Variants in RTKN2 observed in about 807,000 individuals in gnomAD.
RTKN2 encodes rhotekin 2, also known as rhotekin-2.
RTKN2 carries 69 observed loss-of-function variants against 71.5 expected under a neutral mutation model. The observed-to-expected ratio is 0.96, with a 90% CI of 0.79 to 1.18. RTKN2 has a LOEUF of 1.18. Among genes scored for constraint, RTKN2 ranks in the 50% most tolerant of loss-of-function variants. The pLI, the probability that RTKN2 is intolerant of heterozygous loss-of-function variation, is 0.00. For synonymous variants in RTKN2, 236 were observed against 236.5 expected (o/e 1.00, Z 0.02); for missense variants, 724 against 719.7 (o/e 1.01, Z -0.07).
At chr10:62,203,342 ATTTT>A (rs35304270) in intron 10 of RTKN2, among the ~76,000 whole-genome samples, 1 of 143,520 alleles carries the variant, frequency 7.0e-6, no homozygotes, top group African/African-American at 2.6e-5. Flanking sequence ...GATCTGCTGA[ATTTT>A]TTTTTTTTTT....
In RTKN2 at chr10:62,199,850, GCTTC is replaced by G. The variant is rs748429504; in HGVS notation, c.1194_1197del (p.Trp398CysfsTer8). 6 of 1,607,628 alleles carry G rather than the reference GCTTC, an allele frequency of 3.7e-6. No homozygotes were observed. In the African/African-American group the frequency reaches 8.0e-5, roughly 21 times the overall value. ...ATTTTCATAAGTTCTTCACAACAGT[GCTTC>G]CATTGGCCTAAGACAGACAGAAAAA... is the stretch of plus-strand genomic sequence containing the variant. On this transcript the variant is annotated frameshift_variant, in exon 11 of 12. Transcript: ENST00000373789. LOFTEE classifies it high-confidence loss of function.
At chr10:62,203,876 A>C (rs1841497302) in intron 10 of RTKN2, among the ~76,000 whole-genome samples, 2 of 152,234 alleles carry the variant, frequency 1.3e-5, no homozygotes, top group African/African-American at 4.8e-5. Flanking sequence ...GAGTGTTATG[A>C]GAAATAAATG....
chr10:62,213,088 A>G (rs893497672), intron 9 of RTKN2, among the ~76,000 whole-genome samples: 6 of 152,242 alleles, frequency 3.9e-5, no homozygotes, highest in African/African-American at 1.4e-4. Context: ...TTACAAAAAG[A>G]ATGCCAAAAG....
chr10:62,216,865 A>G (rs1460895944), intron 9 of RTKN2, among the ~76,000 whole-genome samples: 1 of 152,112 alleles, frequency 6.6e-6, no homozygotes, highest in African/African-American at 2.4e-5. Flanking sequence ...GCTAATGTGG[A>G]GTTACATTCT....
chr10:62,196,933 A>G lies in RTKN2; in HGVS notation c.*975T>C. The G allele has an allele frequency of 1.0e-6, 1 of 982,988 alleles. No individual in the cohort carries two copies. The highest frequency in any genetic ancestry group is 1.2e-6 in the Non-Finnish European group (1 of 827,810). The allele number at this position is 982,988 out of a possible 1,614,324, so 60.9% of individuals were successfully genotyped here. A position where few individuals can be genotyped will look rare whatever the true frequency, so the allele number is the denominator to read the frequency against. On this transcript the variant is annotated 3_prime_UTR_variant, in exon 12 of 12. Transcript: ENST00000373789. ...ATTACCTCCTATGGAAATGATTCCA[A>G]TGTCACTGTTGTAAGAATATGACAT... is the stretch of plus-strand genomic sequence containing the variant.
In RTKN2 at chr10:62,217,252, G is replaced by GAA. The variant is rs5785514; in HGVS notation, c.889-5_889-4dup. ...CTAATCAGACCTTCTACCATTTGCT[G>GAA]AAAAAAAAAAAAAAAAAATCAAGAG... is the stretch of plus-strand genomic sequence containing the variant. On this transcript the variant is annotated splice_region_variant and splice_polypyrimidine_tract_variant and intron_variant, in intron 8 of 11. Transcript: ENST00000373789. 6,285 of 1,284,242 alleles carry GAA rather than the reference G, an allele frequency of 4.9e-3. No homozygotes were observed. The highest frequency in any genetic ancestry group is 0.016 in the South Asian group (963 of 60,136). The allele number at this position is 1,284,242 out of a possible 1,614,324, so 79.6% of individuals were successfully genotyped here.
At position 62,228,811 on chromosome 10, in the gene RTKN2, C is replaced by A. The variant is rs28523585; in HGVS notation, c.687-5479G>T. Among the ~76,000 whole-genome samples the A allele has an allele frequency of 5.7e-3, 868 of 152,166 alleles. 7 individuals carry two copies. The highest frequency in any genetic ancestry group is 0.01 in the Non-Finnish European group (698 of 68,012). ...ACTGAGGCAGATGTGGGTAGGCTGG[C>A]AGATTTGGTGGATGGAGGATATTTT... On this transcript the variant is annotated intron_variant, in intron 6 of 11. Transcript: ENST00000373789.
At chr10:62,227,339 A>G (rs1007559563) in intron 6 of RTKN2, among the ~76,000 whole-genome samples, 6 of 152,196 alleles carry the variant, frequency 3.9e-5, no homozygotes, top group Admixed American at 1.3e-4. Flanking sequence ...AAAGGAGAAG[A>G]AGGCCTATCT....
intron 1 of RTKN2, 145 bp downstream of exon 1, chr10:62,268,406 C>G (rs527919803): frequency 1.2e-6 from 1 of 815,894 alleles, no homozygotes; most frequent in African/African-American, 1.7e-5. Context: ...AGAGCGCAGT[C>G]TCCTAATCCC....
chr10:62,210,631 A>G (rs182396764), intron 9 of RTKN2, among the ~76,000 whole-genome samples: 94 of 152,292 alleles, frequency 6.2e-4, no homozygotes, highest in African/African-American at 2.1e-3. Context: ...TGCTAAAAAC[A>G]AGCTTTAGAC....
At chr10:62,186,992 AT>A (rs1157822753) in intron 8 of RTKN2, among the ~76,000 whole-genome samples, 1 of 152,224 alleles carries the variant, frequency 6.6e-6, no homozygotes, top group Non-Finnish European at 1.5e-5. Context: ...CTTGTGGTTC[AT>A]TTAGTCCAAA....
chr10:62,212,370 A>AAAATAAAT (rs1010292658), intron 9 of RTKN2, among the ~76,000 whole-genome samples: 2 of 151,362 alleles, frequency 1.3e-5, no homozygotes, highest in Non-Finnish European at 2.9e-5. Flanking sequence ...CTCTGTCTCA[A>AAAATAAAT]AAATAAATAA....
chr10:62,259,517 G>A (rs911772799), intron 2 of RTKN2, among the ~76,000 whole-genome samples: 14 of 151,990 alleles, frequency 9.2e-5, no homozygotes, highest in African/African-American at 3.4e-4. Flanking sequence ...CCCTGCTCCT[G>A]AATAATTCAT....
chr10:62,262,782 T>A lies in RTKN2; in HGVS notation c.100A>T (p.Met34Leu). ...AGGAGTTTCCATATTCCTTCTCGCA[T>A]TCGAATTTCTAAGTCTATTTTTTCT... ...IQEKIDLEIR[M>L]REGIWKLLSL... Residue 34 changes from methionine to leucine, a missense_variant, in exon 2 of 12, where the codon ATG becomes TTG. Met to Leu is a conservative substitution (Grantham distance 15). Coordinates refer to ENST00000373789, the MANE Select transcript of RTKN2 (RefSeq NM_145307.4). 1 of 1,610,828 alleles carries A rather than the reference T, an allele frequency of 6.2e-7. No homozygotes were observed. The highest frequency in any genetic ancestry group is 8.5e-7 in the Non-Finnish European group (1 of 1,178,824).
chr10:62,238,873 ATAT>A (rs1439897971), intron 5 of RTKN2: 1 of 152,054 alleles, frequency 6.6e-6, no homozygotes, highest in Non-Finnish European at 1.5e-5. Context: ...ATGGATTTTT[ATAT>A]TAATAGTTAG....
intron 6 of RTKN2, among the ~76,000 whole-genome samples, chr10:62,224,476 G>A (rs372423570): frequency 1.3e-5 from 2 of 151,878 alleles, no homozygotes; most frequent in Non-Finnish European, 2.9e-5. Context: ...AAGGGTCCCC[G>A]TTCATTTAAT....
chr10:62,185,369 G>C (rs1841117415), intron 8 of RTKN2, among the ~76,000 whole-genome samples: 1 of 152,128 alleles, frequency 6.6e-6, no homozygotes, highest in Non-Finnish European at 1.5e-5. Context: ...TGTAATCCCA[G>C]TGCTTTGGGT....
At chr10:62,191,229 A>G (rs1439832459), downstream of RTKN2, among the ~76,000 whole-genome samples, 2 of 152,140 alleles carry the variant, frequency 1.3e-5, no homozygotes, top group African/African-American at 4.8e-5. Flanking sequence ...CTCTCGGCTC[A>G]AGTTACAAGT....
chr10:62,204,461 G>T (rs1271685248), intron 10 of RTKN2, among the ~76,000 whole-genome samples: 1 of 152,156 alleles, frequency 6.6e-6, no homozygotes, highest in African/African-American at 2.4e-5. Flanking sequence ...GCTACAAAGT[G>T]AGACTCCTGA....
Sources: allele counts gnomAD v4.1 joint callset (sites outside exome capture counted in the v4.1 genomes callset), GRCh38; gene constraint gnomAD v4.1.1; transcripts MANE v1.5; gene names NCBI Gene and HGNC (gene_info 2026-07-23, HGNC 2026-07-21).